The following MON2 variants were observed in gnomAD, a reference collection of about 807,000 sequenced individuals.
The protein encoded by MON2 is protein MON2 homolog.
MON2 carries 84 observed loss-of-function variants against 208.6 expected under a neutral mutation model. That is an observed-to-expected ratio of 0.40 (90% CI 0.34 to 0.48). MON2 has a LOEUF of 0.48. Among genes scored for constraint, MON2 ranks in the 20% least tolerant of loss-of-function variants. The pLI is 0.59. For synonymous variants in MON2, 660 were observed against 694.0 expected, an observed-to-expected ratio of 0.95 and a Z score of 0.77; for missense variants, 1,611 against 2,015.4, an observed-to-expected ratio of 0.80 and a Z score of 3.84.
chr12:62,583,140 T>C (rs2075063573), intron 32 of MON2, among the ~76,000 whole-genome samples: 1 of 152,138 alleles, frequency 6.6e-6, no homozygotes, highest in Non-Finnish European at 1.5e-5. Context: ...GAGACAAGCC[T>C]GGGCAACATG....
intron 11 of MON2, among the ~76,000 whole-genome samples, chr12:62,527,448 C>T (rs2072390820): frequency 1.3e-5 from 2 of 152,080 alleles, no homozygotes; most frequent in Non-Finnish European, 2.9e-5. Flanking sequence ...CATTTATATT[C>T]AAATCACTTA....
intron 12 of MON2, among the ~76,000 whole-genome samples, chr12:62,533,734 T>G (rs559991734): frequency 3.9e-5 from 6 of 152,186 alleles, no homozygotes; most frequent in African/African-American, 1.4e-4. Context: ...ATACTAGGTA[T>G]GCTTTTCACC....
chr12:62,524,649 CA>C lies in MON2; in HGVS notation c.1109+11del. 6.2e-7 allele frequency: 1 copy of C among 1,610,062 alleles called. No homozygotes were observed. Among genetic ancestry groups the C allele is most frequent in the Non-Finnish European group, 8.5e-7 (1 of 1,177,912 alleles). Reference sequence around the variant, plus strand: ...AGCCTCAACTATTAAGGTAAAACCTCAGCAATAGTTTGTTAAATAGATAGGT... The same window carrying C: ...AGCCTCAACTATTAAGGTAAAACCTCGCAATAGTTTGTTAAATAGATAGGT... On this transcript the variant is annotated intron_variant, in intron 9 of 34. Coordinates refer to ENST00000393630, the MANE Select transcript of MON2 (RefSeq NM_015026.3).
intron 1 of MON2, among the ~76,000 whole-genome samples, chr12:62,475,880 G>A (rs1472599968): frequency 4.6e-5 from 7 of 151,546 alleles, no homozygotes; most frequent in African/African-American, 1.5e-4. Flanking sequence ...GCATGGTGGC[G>A]GACGCCTGTA....
intron 11 of MON2, among the ~76,000 whole-genome samples, chr12:62,531,210 GT>G (rs1248438820): frequency 6.0e-4 from 92 of 152,138 alleles, no homozygotes; most frequent in African/African-American, 2.2e-3. Context: ...AAGTACAATT[GT>G]TTTTAATTTT....
intron 2 of MON2, among the ~76,000 whole-genome samples, chr12:62,490,293 CAAAT>C (rs1218704911): frequency 6.6e-6 from 1 of 151,956 alleles, no homozygotes; most frequent in Non-Finnish European, 1.5e-5. Flanking sequence ...AAAATAGAAA[CAAAT>C]AACTTTCATT....
At position 62,565,391 on chromosome 12, in the gene MON2, G is replaced by A. The variant is rs2136372059; in HGVS notation, c.4176+11G>A. 6.3e-7 allele frequency: 1 copy of A among 1,585,256 alleles called. No individual in the cohort carries two copies. The highest frequency in any genetic ancestry group is 1.1e-5 in the South Asian group (1 of 87,984). On this transcript the variant is annotated intron_variant, in intron 27 of 34. Coordinates refer to ENST00000393630, the MANE Select transcript of MON2 (RefSeq NM_015026.3). ...GCAAAATATAATCAGGTAATTTACT[G>A]TAAATTTTATTTACTTTGTAAGATT...
At chr12:62,552,417 T>C (rs1173378105) in intron 23 of MON2, among the ~76,000 whole-genome samples, 2 of 151,906 alleles carry the variant, frequency 1.3e-5, no homozygotes, top group African/African-American at 4.9e-5. Flanking sequence ...ACCATTGGCA[T>C]AATTATCATT....
Position 62,537,212 on chromosome 12 carries a change from A to G in MON2, c.1962A>G (p.Gln654=). Residue 654 remains glutamine (Q), a synonymous_variant, in exon 15 of 35, where the codon CAA becomes CAG. Coordinates refer to ENST00000393630, the MANE Select transcript of MON2 (RefSeq NM_015026.3). ...GTCCATCAAGTGAATCTCACCAACAAGTTGTGGCAGTGGGTCAACCTTTAG... is the reference window on the plus strand; with the variant it reads ...GTCCATCAAGTGAATCTCACCAACAGGTTGTGGCAGTGGGTCAACCTTTAG... The part of the protein sequence containing the change: ...MISPSSESHQ[Q]VVAVGQPLAV... 1 of 1,613,630 alleles carries G rather than the reference A, an allele frequency of 6.2e-7. No homozygotes were observed. The highest frequency in any genetic ancestry group is 8.5e-7 in the Non-Finnish European group (1 of 1,179,678).
intron 2 of MON2, among the ~76,000 whole-genome samples, 193 bp from the exon 3 acceptor site, chr12:62,493,722 A>G (rs1432303729): frequency 6.6e-6 from 1 of 152,172 alleles, no homozygotes; most frequent in Non-Finnish European, 1.5e-5. Flanking sequence ...GTTAAGGCGT[A>G]TAGCTTAGAT....
At chr12:62,520,914 AAAG>A (rs1247867069) in intron 8 of MON2, among the ~76,000 whole-genome samples, 1 of 148,734 alleles carries the variant, frequency 6.7e-6, no homozygotes, top group Non-Finnish European at 1.5e-5. Context: ...TCAAAAAAAA[AAAG>A]ACATGTACTT....
At chr12:62,494,995 A>G (rs1375345812) in intron 3 of MON2, 21 bp from the exon 4 acceptor site, 1 of 1,575,486 alleles carries the variant, frequency 6.3e-7, no homozygotes, top group African/African-American at 1.4e-5. Flanking sequence ...GTTGACAATA[A>G]TTAAAATAAC....
At chr12:62,523,071 A>G (rs926879245) in intron 8 of MON2, among the ~76,000 whole-genome samples, 1 of 152,100 alleles carries the variant, frequency 6.6e-6, no homozygotes. Context: ...ATTCACACAC[A>G]CTTATATGCC....
At chr12:62,534,542 A>AAAAAAAAAAATATATATAT (rs1555169522) in intron 12 of MON2, among the ~76,000 whole-genome samples, 1 of 22,850 alleles carries the variant, frequency 4.4e-5, no homozygotes, top group Non-Finnish European at 7.4e-5. Context: ...AAAAAAAAAA[A>AAAAAAAAAAATATATATAT]ATATATATAT....
chr12:62,498,303 A>T (rs1404222442), intron 4 of MON2, among the ~76,000 whole-genome samples: 1 of 152,204 alleles, frequency 6.6e-6, no homozygotes, highest in Non-Finnish European at 1.5e-5. Flanking sequence ...CAGTGAATAA[A>T]GCACATGGGT....
chr12:62,580,465 G>A lies in MON2; in HGVS notation c.4699+45G>A, dbSNP rs747157267. ...TATTAAAAAGTATTGAAGTACTTTT[G>A]AAGAAACTGTCAGTAGAAATGTTTA... On this transcript the variant is annotated intron_variant, in intron 32 of 34. Transcript: ENST00000393630. 13 of 1,478,760 alleles carry A rather than the reference G, an allele frequency of 8.8e-6. No homozygotes were observed. In the African/African-American group the frequency reaches 1.8e-4, roughly 21 times the overall value. 91.6% of individuals were successfully genotyped at this position (1,478,760 alleles called of 1,614,324 possible).
intron 1 of MON2, among the ~76,000 whole-genome samples, chr12:62,475,485 A>T (rs1367000504): frequency 6.6e-6 from 1 of 152,054 alleles, no homozygotes; most frequent in Non-Finnish European, 1.5e-5. Context: ...TTTAAAAAAA[A>T]AAATTAATCT....
At chr12:62,505,686 G>C (rs188830816) in intron 7 of MON2, among the ~76,000 whole-genome samples, 16 of 151,664 alleles carry the variant, frequency 1.1e-4, no homozygotes, top group Admixed American at 1.1e-3. Flanking sequence ...TTCAAGACCA[G>C]CCTGGGCAAC....
chr12:62,585,441 AAGATGT>A lies in MON2; in HGVS notation c.4849_4854del (p.Asp1617_Val1618del). 4 of 1,613,732 alleles carry A rather than the reference AAGATGT, an allele frequency of 2.5e-6. No individual in the cohort carries two copies. Among genetic ancestry groups the A allele is most frequent in the Non-Finnish European group, 3.4e-6 (4 of 1,179,670 alleles). On this transcript the variant is annotated inframe_deletion, in exon 33 of 35. Coordinates refer to ENST00000393630, the MANE Select transcript of MON2 (RefSeq NM_015026.3). Reference sequence around the variant, plus strand: ...CTCTCAGTGCTTTTAAAGAGGTCCCAAGATGTACTACATCGCTATATAGAGGATGAA... The same window carrying A: ...CTCTCAGTGCTTTTAAAGAGGTCCCAACTACATCGCTATATAGAGGATGAA...
Sources: gnomAD v4.1 joint callset for allele counts (sites outside exome capture counted in the v4.1 genomes callset) on GRCh38, gnomAD v4.1.1 for gene constraint, MANE v1.5 for transcripts, NCBI Gene and HGNC (gene_info 2026-07-23, HGNC 2026-07-21) for gene names.